CECR2: variants seen among roughly 807,000 people sequenced by gnomAD.
The protein encoded by CECR2 is CECR2 histone acetyl-lysine reader.
A neutral mutation model predicts 154.5 loss-of-function variants in CECR2; 30 were observed. The observed-to-expected ratio is 0.19, with a 90% confidence interval of 0.15 to 0.26. The LOEUF (loss-of-function observed/expected upper bound fraction) is 0.26. CECR2 is among the 10% of genes least tolerant of loss of function. The probability of loss-of-function intolerance (pLI) is 1.00; values close to 1 mark genes in which losing one functional copy is unlikely to be tolerated. For missense variants in CECR2, 1,743 were observed against 1,829.3 expected (o/e 0.95, Z 0.86); for synonymous variants, 725 against 683.7 (o/e 1.06, Z -0.94).
intron 9 of CECR2, among the ~76,000 whole-genome samples, chr22:17,529,569 A>G (rs1233316438): frequency 1.3e-5 from 2 of 151,524 alleles, no homozygotes; most frequent in Non-Finnish European, 1.5e-5. Flanking sequence ...GCGTGGTGGC[A>G]CATGCCTGTA....
intron 2 of CECR2, among the ~76,000 whole-genome samples, chr22:17,484,238 G>A (rs2055380815): frequency 6.6e-6 from 1 of 152,166 alleles, no homozygotes; most frequent in South Asian, 2.1e-4. Context: ...TCCCCAGGCT[G>A]GAGTGCATTC....
chr22:17,467,810 T>G (rs1024646201), intron 1 of CECR2, among the ~76,000 whole-genome samples: 18 of 147,608 alleles, frequency 1.2e-4, no homozygotes, highest in African/African-American at 3.4e-4. Flanking sequence ...AGAGAGAGAG[T>G]GGAGACTAAA....
chr22:17,388,844 C>T (rs544708031), intron 1 of CECR2, among the ~76,000 whole-genome samples: 192 of 151,910 alleles, frequency 1.3e-3, no homozygotes, highest in African/African-American at 4.4e-3. Flanking sequence ...GGTGGAGTCT[C>T]ACTCTGTCGC....
chr22:17,422,079 C>T (rs894211792), intron 1 of CECR2, among the ~76,000 whole-genome samples: 1 of 151,844 alleles, frequency 6.6e-6, no homozygotes, highest in East Asian at 1.9e-4. Flanking sequence ...TAATTCTTAT[C>T]GTCTATAGAG....
intron 2 of CECR2, among the ~76,000 whole-genome samples, chr22:17,488,784 C>G (rs1324819092): frequency 6.6e-6 from 1 of 152,164 alleles, no homozygotes; most frequent in Non-Finnish European, 1.5e-5. Context: ...CATACAAATG[C>G]TTGTGTGCAC....
chr22:17,363,048 CT>C (rs60742428), intron 1 of CECR2, among the ~76,000 whole-genome samples: 41 of 144,716 alleles, frequency 2.8e-4, no homozygotes, highest in South Asian at 2.4e-3. Flanking sequence ...TTTCCTTCTT[CT>C]TTTTTTTTTT....
intron 2 of CECR2, among the ~76,000 whole-genome samples, chr22:17,485,831 T>C (rs1304938767): frequency 1.3e-5 from 2 of 152,238 alleles, no homozygotes; most frequent in African/African-American, 4.8e-5. Flanking sequence ...AGTGTTGTAT[T>C]CATCTAACAG....
At chr22:17,547,091 A>G (rs187320232) in intron 16 of CECR2, among the ~76,000 whole-genome samples, 177 of 151,742 alleles carry the variant, frequency 1.2e-3, no homozygotes, top group African/African-American at 4.1e-3. Context: ...ACACACACTT[A>G]CACACTATTG....
Position 17,548,668 on chromosome 22 carries a change from G to A in CECR2, c.3381G>A (p.Pro1127=), listed in dbSNP as rs770917139. 5.0e-6 allele frequency: 8 copies of A among 1,613,166 alleles called. No homozygotes were observed. The East Asian group carries it at 1.1e-4, about 22-fold the overall frequency. ...TGTATATGCCTGGCCTAGAGTACCC[G>A]AATTCAGCTGCCCATTACCACATCA... ...PPLYMPGLEY[P]NSAAHYHISP... Residue 1127 remains proline, a synonymous_variant, in exon 17 of 19, where the codon CCG becomes CCA. Transcript: ENST00000262608.
rs978623248 is a variant in CECR2 at position 17,555,955 on chromosome 22, T to G, written c.*3115T>G. On this transcript the variant is annotated 3_prime_UTR_variant, in exon 19 of 19. Transcript: ENST00000262608. ...TAAGGCCCAAGAGAAAAGATGAGCT[T>G]CTTGGGAGGATTCTGGGTTTGTTTT... 1.3e-5 allele frequency: 2 copies of G among 152,210 alleles called. No individual in the cohort carries two copies. The highest frequency in any genetic ancestry group is 6.5e-5 in the Admixed American group (1 of 15,286). 9.4% of individuals were successfully genotyped at this position (152,210 alleles called of 1,614,324 possible). A position where few individuals can be genotyped will look rare whatever the true frequency, so the allele number is the denominator to read the frequency against.
At chr22:17,547,527 G>T (rs2056633020) in intron 16 of CECR2, among the ~76,000 whole-genome samples, 1 of 152,160 alleles carries the variant, frequency 6.6e-6, no homozygotes, top group South Asian at 2.1e-4. Flanking sequence ...ACCGTGCCCG[G>T]CCCCTAAAGA....
At chr22:17,404,363 TCTTTC>T in intron 1 of CECR2, among the ~76,000 whole-genome samples, 1 of 70,836 alleles carries the variant, frequency 1.4e-5, no homozygotes, top group Non-Finnish European at 2.8e-5. Flanking sequence ...TGGACCCTGT[TCTTTC>T]TTTTTTTTTT....
At chr22:17,398,991 G>A (rs2053853300) in intron 1 of CECR2, among the ~76,000 whole-genome samples, 1 of 152,136 alleles carries the variant, frequency 6.6e-6, no homozygotes, top group South Asian at 2.1e-4. Flanking sequence ...GCACCTCCTG[G>A]GAATGTGTTA....
intron 1 of CECR2, among the ~76,000 whole-genome samples, chr22:17,425,519 G>A (rs968215120): frequency 1.8e-4 from 28 of 152,134 alleles, no homozygotes; most frequent in African/African-American, 6.8e-4. Context: ...ATAGGAATAG[G>A]ACTATGCAAA....
At chr22:17,490,295 T>TTA (rs1398489368) in intron 2 of CECR2, among the ~76,000 whole-genome samples, 2 of 152,134 alleles carry the variant, frequency 1.3e-5, no homozygotes, top group African/African-American at 4.8e-5. Flanking sequence ...GGTAGCTTTG[T>TTA]TATATAGTCC....
intron 1 of CECR2, among the ~76,000 whole-genome samples, chr22:17,371,876 G>A (rs2146439824): frequency 6.6e-6 from 1 of 152,328 alleles, no homozygotes; most frequent in African/African-American, 2.4e-5. Flanking sequence ...AGCATATTTA[G>A]AGTAACCTGT....
At chr22:17,457,655 C>T (rs1016536116) in intron 1 of CECR2, among the ~76,000 whole-genome samples, 16 of 152,150 alleles carry the variant, frequency 1.1e-4, no homozygotes, top group Non-Finnish European at 1.9e-4. Flanking sequence ...TATGACCCAG[C>T]GGTTACACTT....
intron 7 of CECR2, among the ~76,000 whole-genome samples, chr22:17,510,573 A>G (rs1312958563): frequency 1.3e-5 from 2 of 151,992 alleles, no homozygotes; most frequent in African/African-American, 4.8e-5. Flanking sequence ...TTGGGCTTGC[A>G]TTTGCATTAG....
In CECR2 at chr22:17,514,829, C is replaced by A. The variant is rs1346226975; in HGVS notation, c.954+2933C>A. ...TGGGCAGATCACAAGGTCAGGAGATCGAGACCATCCTGGCTAACACGATGA... is the reference window on the plus strand; with the variant it reads ...TGGGCAGATCACAAGGTCAGGAGATAGAGACCATCCTGGCTAACACGATGA... On this transcript the variant is annotated intron_variant, in intron 8 of 18. Transcript: ENST00000262608. 2.0e-5 allele frequency among the ~76,000 whole-genome samples: 3 copies of A among 151,990 alleles called. No homozygotes were observed. In the South Asian group the frequency reaches 6.2e-4, roughly 32 times the overall value.
Sources: gnomAD v4.1 joint callset for allele counts (sites outside exome capture counted in the v4.1 genomes callset) on GRCh38, gnomAD v4.1.1 for gene constraint, MANE v1.5 for transcripts, NCBI Gene and HGNC (gene_info 2026-07-23, HGNC 2026-07-21) for gene names.